Variants in PRKAR1B observed in about 807,000 individuals in gnomAD.
PRKAR1B encodes the protein protein kinase cAMP-dependent type I regulatory subunit beta, also known as cAMP-dependent protein kinase type I-beta regulatory subunit.
Under a neutral mutation model 46.5 loss-of-function variants are expected in PRKAR1B, and 22 were observed. The observed-to-expected ratio is 0.47, with a 90% confidence interval of 0.34 to 0.68. The LOEUF is 0.68. PRKAR1B is among the 30% of genes least tolerant of loss of function. The pLI, the probability that PRKAR1B is intolerant of heterozygous loss-of-function variation, is 0.01. For missense variants in PRKAR1B, 445 were observed against 535.6 expected, an observed-to-expected ratio of 0.83 and a Z score of 1.67; for synonymous variants, 259 against 217.7, an observed-to-expected ratio of 1.19 and a Z score of -1.67.
chr7:720,177 C>T (rs1015680840), intron 1 of PRKAR1B, among the ~76,000 whole-genome samples: 5 of 151,650 alleles, frequency 3.3e-5, no homozygotes, highest in Admixed American at 3.3e-4. Context: ...CTGCCTCAGC[C>T]TCCAGAGTAG....
chr7:583,794 A>G (rs1780435364), intron 8 of PRKAR1B, among the ~76,000 whole-genome samples: 1 of 121,918 alleles, frequency 8.2e-6, no homozygotes, highest in African/African-American at 3.2e-5. Context: ...ACCCATGTGC[A>G]CTCACATGCA....
chr7:586,697 GCTAA>G (rs1251934321), intron 7 of PRKAR1B, among the ~76,000 whole-genome samples: 2 of 152,208 alleles, frequency 1.3e-5, no homozygotes, highest in African/African-American at 4.8e-5. Context: ...CACAGCCACA[GCTAA>G]CTAATACATC....
chr7:708,927 G>A (rs551399051), intron 2 of PRKAR1B, among the ~76,000 whole-genome samples: 487 of 151,428 alleles, frequency 3.2e-3, no homozygotes, highest in Non-Finnish European at 4.9e-3. Flanking sequence ...TGAGTAGCTG[G>A]GATTACAGGT....
intron 4 of PRKAR1B, among the ~76,000 whole-genome samples, chr7:669,952 G>A (rs574406599): frequency 7.7e-5 from 11 of 143,078 alleles, no homozygotes; most frequent in East Asian, 4.4e-4. Context: ...TGCAAGCTCC[G>A]CCTCCCAGGT....
Position 727,203 on chromosome 7 carries a change from G to T in PRKAR1B, c.-23+7C>A. The T allele has an allele frequency of 7.4e-7, 1 of 1,348,110 alleles. No individual in the cohort carries two copies. The highest frequency in any genetic ancestry group is 1.7e-5 in the South Asian group (1 of 59,438). The allele number at this position is 1,348,110 out of a possible 1,614,324, so 83.5% of individuals were successfully genotyped here. Reference sequence around the variant, plus strand: ...TGGACCTGTGCGGCGCCGCGCTCGCGCCCCACCTGGACGACGCTCTGCGCG... The same window carrying T: ...TGGACCTGTGCGGCGCCGCGCTCGCTCCCCACCTGGACGACGCTCTGCGCG... On this transcript the variant is annotated splice_region_variant and intron_variant, in intron 1 of 10. Transcript: ENST00000537384.
At chr7:650,728 A>G (rs893789361) in intron 4 of PRKAR1B, among the ~76,000 whole-genome samples, 8 of 152,122 alleles carry the variant, frequency 5.3e-5, no homozygotes, top group Admixed American at 5.2e-4. Flanking sequence ...AAGCTCAGAG[A>G]GGTCATGTCA....
In PRKAR1B at chr7:710,445, T is replaced by C. The variant is rs949729361; in HGVS notation, c.177+884A>G. Among the ~76,000 whole-genome samples, 3 of 152,012 alleles carry C rather than the reference T, an allele frequency of 2.0e-5. No homozygotes were observed. In the East Asian group the frequency reaches 5.8e-4, roughly 29 times the overall value. On this transcript the variant is annotated intron_variant, in intron 2 of 10. Coordinates refer to ENST00000537384, the MANE Select transcript of PRKAR1B (RefSeq NM_001164760.2). ...CCTCCACTTCCCAGGCACGCACGTC[T>C]ACGAAAAGAGCCCAGATGCAGGAGG...
intron 2 of PRKAR1B, among the ~76,000 whole-genome samples, chr7:697,403 G>T (rs115282765): frequency 6.6e-6 from 1 of 152,082 alleles, no homozygotes; most frequent in African/African-American, 2.4e-5. Flanking sequence ...AGCCTGCCCC[G>T]TCCCACTGAA....
At chr7:610,101 CGT>C (rs1782390374) in intron 4 of PRKAR1B, among the ~76,000 whole-genome samples, 1 of 152,166 alleles carries the variant, frequency 6.6e-6, no homozygotes, top group African/African-American at 2.4e-5. Context: ...CCCAGATGGA[CGT>C]TTCCAGTGCT....
At chr7:628,221 G>A (rs1363902003) in intron 4 of PRKAR1B, among the ~76,000 whole-genome samples, 1 of 152,242 alleles carries the variant, frequency 6.6e-6, no homozygotes, top group African/African-American at 2.4e-5. Flanking sequence ...GGGCTCTGCG[G>A]GCACCGGATC....
At chr7:653,696 G>A (rs1032848915) in intron 4 of PRKAR1B, among the ~76,000 whole-genome samples, 2 of 152,198 alleles carry the variant, frequency 1.3e-5, no homozygotes, top group African/African-American at 4.8e-5. Flanking sequence ...CATAGCTGGG[G>A]AGGGGTGGGA....
At chr7:572,475 C>G (rs534863679) in intron 9 of PRKAR1B, among the ~76,000 whole-genome samples, 2 of 152,280 alleles carry the variant, frequency 1.3e-5, no homozygotes, top group South Asian at 4.1e-4. Flanking sequence ...CCCTGCCTTC[C>G]CAGCTGCCTC....
intron 9 of PRKAR1B, among the ~76,000 whole-genome samples, chr7:553,394 C>T (rs1784371906): frequency 6.6e-6 from 1 of 152,216 alleles, no homozygotes; most frequent in Admixed American, 6.5e-5. Context: ...GGTCCCTAGT[C>T]CCCGGAGGCA....
chr7:664,849 G>C (rs1451829353), intron 4 of PRKAR1B, among the ~76,000 whole-genome samples: 1 of 152,150 alleles, frequency 6.6e-6, no homozygotes, highest in Non-Finnish European at 1.5e-5. Context: ...AGGAAGTCGA[G>C]GCTGCAGTGA....
chr7:696,464 G>T (rs1028494078), intron 2 of PRKAR1B, among the ~76,000 whole-genome samples: 6 of 151,414 alleles, frequency 4.0e-5, no homozygotes, highest in Non-Finnish European at 8.8e-5. Context: ...TACAGACAGG[G>T]TTTCACCATG....
intron 1 of PRKAR1B, among the ~76,000 whole-genome samples, chr7:718,492 G>T (rs1258664704): frequency 6.6e-6 from 1 of 151,682 alleles, no homozygotes; most frequent in Non-Finnish European, 1.5e-5. Context: ...AAGTAGCTGG[G>T]ATTACAGGTG....
chr7:561,633 C>G (rs1010211249), intron 9 of PRKAR1B, among the ~76,000 whole-genome samples: 10 of 152,194 alleles, frequency 6.6e-5, no homozygotes, highest in African/African-American at 2.2e-4. Context: ...CTGGCCGAGA[C>G]GGAACTGATG....
chr7:650,163 G>A (rs1784827552), intron 4 of PRKAR1B, among the ~76,000 whole-genome samples: 1 of 152,144 alleles, frequency 6.6e-6, no homozygotes, highest in South Asian at 2.1e-4. Context: ...CCGTTGTGAG[G>A]TGACTGCAAT....
intron 9 of PRKAR1B, among the ~76,000 whole-genome samples, chr7:569,139 T>C (rs2128434062): frequency 6.6e-6 from 1 of 151,554 alleles, no homozygotes; most frequent in Non-Finnish European, 1.5e-5. Context: ...AATGGGACCA[T>C]CCTTTGCTGA....
Sources: gnomAD v4.1 joint callset for allele counts (sites outside exome capture counted in the v4.1 genomes callset) on GRCh38, gnomAD v4.1.1 for gene constraint, MANE v1.5 for transcripts, NCBI Gene and HGNC (gene_info 2026-07-23, HGNC 2026-07-21) for gene names.